The following COG6 variants were observed in gnomAD, a reference collection of about 807,000 sequenced individuals.
COG6 encodes conserved oligomeric Golgi complex subunit 6.
Under a neutral mutation model 88.8 loss-of-function variants are expected in COG6, and 74 were observed. The observed-to-expected ratio is 0.83, with a 90% CI of 0.69 to 1.01. COG6 has a LOEUF of 1.01. Among genes scored for constraint, COG6 ranks in the 50% least tolerant of loss-of-function variants. The probability of loss-of-function intolerance (pLI) is 0.00; values close to 1 mark genes in which losing one functional copy is unlikely to be tolerated. For synonymous variants in COG6, 286 were observed against 278.7 expected, an observed-to-expected ratio of 1.03 and a Z score of -0.26; for missense variants, 800 against 797.9, an observed-to-expected ratio of 1.00 and a Z score of -0.03.
intron 13 of COG6, among the ~76,000 whole-genome samples, chr13:39,707,747 GT>G (rs1334987621): frequency 1.3e-5 from 2 of 152,048 alleles, no homozygotes; most frequent in African/African-American, 4.8e-5. Flanking sequence ...TAATTGTTGT[GT>G]AGTAATTTCA....
At chr13:39,693,346 G>A (rs1175603764) in intron 11 of COG6, among the ~76,000 whole-genome samples, 1 of 151,376 alleles carries the variant, frequency 6.6e-6, no homozygotes, top group East Asian at 1.9e-4. Flanking sequence ...TCTTAAGGGA[G>A]TCAGAACTAA....
intron 4 of COG6, among the ~76,000 whole-genome samples, chr13:39,673,306 T>C (rs1176559633): frequency 1.3e-5 from 2 of 152,036 alleles, no homozygotes; most frequent in African/African-American, 4.8e-5. Context: ...TTATTTTATC[T>C]ATTTGTTTTA....
chr13:39,671,894 A>G (rs1198666884), intron 4 of COG6, among the ~76,000 whole-genome samples: 3 of 151,960 alleles, frequency 2.0e-5, no homozygotes, highest in Non-Finnish European at 1.5e-5. Context: ...TTATTCTTCT[A>G]GCACTTATTT....
intron 18 of COG6, among the ~76,000 whole-genome samples, chr13:39,747,855 C>G (rs762266105): frequency 6.6e-6 from 1 of 152,112 alleles, no homozygotes; most frequent in East Asian, 1.9e-4. Flanking sequence ...TTAAATTTCA[C>G]TACTTTAGAA....
intron 18 of COG6, among the ~76,000 whole-genome samples, chr13:39,777,017 T>C (rs1443415864): frequency 6.6e-6 from 1 of 152,176 alleles, no homozygotes; most frequent in Non-Finnish European, 1.5e-5. Flanking sequence ...AGGTGAGAAG[T>C]AACAATTGGT....
chr13:39,688,622 A>T (rs1033589170), intron 10 of COG6, among the ~76,000 whole-genome samples: 2 of 152,138 alleles, frequency 1.3e-5, no homozygotes, highest in African/African-American at 4.8e-5. Context: ...CACCTCCGAC[A>T]TTGGGGATTA....
intron 18 of COG6, among the ~76,000 whole-genome samples, chr13:39,741,899 A>AT (rs1880064047): frequency 6.6e-6 from 1 of 152,178 alleles, no homozygotes; most frequent in Admixed American, 6.5e-5. Context: ...GACTAACCGC[A>AT]TATCTGTCAG....
chr13:39,788,444 T>C (rs1021389294), exon 19 of COG6: 20 of 1,323,604 alleles, frequency 1.5e-5, no homozygotes, highest in Middle Eastern at 1.9e-4. Context: ...CCTTGGGGAC[T>C]GGCTATAGAA....
chr13:39,673,567 AG>A (rs1471350013), intron 4 of COG6, among the ~76,000 whole-genome samples: 1 of 152,044 alleles, frequency 6.6e-6, no homozygotes, highest in African/African-American at 2.4e-5. Flanking sequence ...AATGATAAGC[AG>A]ATTCTTTAAG....
intron 4 of COG6, among the ~76,000 whole-genome samples, chr13:39,674,561 A>G (rs1387254317): frequency 1.3e-5 from 2 of 152,166 alleles, no homozygotes; most frequent in South Asian, 2.1e-4. Context: ...AAATTGATGT[A>G]CATGTGTTTA....
At chr13:39,778,865 C>T (rs1037152334) in intron 18 of COG6, among the ~76,000 whole-genome samples, 1 of 152,206 alleles carries the variant, frequency 6.6e-6, no homozygotes, top group Non-Finnish European at 1.5e-5. Context: ...GTCTTCACCA[C>T]ATGATGCCTG....
intron 7 of COG6, among the ~76,000 whole-genome samples, chr13:39,680,268 A>T (rs1003014370): frequency 3.3e-5 from 5 of 152,208 alleles, no homozygotes; most frequent in African/African-American, 1.2e-4. Flanking sequence ...TTCACATTTG[A>T]GCACACTGTT....
intron 18 of COG6, among the ~76,000 whole-genome samples, chr13:39,748,268 A>G (rs558986813): frequency 1.3e-5 from 2 of 152,268 alleles, no homozygotes; most frequent in Non-Finnish European, 2.9e-5. Context: ...ATTTTGTTAC[A>G]TTCATTGTCA....
chr13:39,746,696 T>A (rs1880369523), intron 18 of COG6, among the ~76,000 whole-genome samples: 1 of 152,188 alleles, frequency 6.6e-6, no homozygotes, highest in Non-Finnish European at 1.5e-5. Flanking sequence ...GCAGACAATA[T>A]AGACAGATAG....
intron 13 of COG6, among the ~76,000 whole-genome samples, chr13:39,717,008 G>T (rs7332791): frequency 0.41 from 62,159 of 151,908 alleles, 13,072 homozygotes; most frequent in Admixed American, 0.56. Flanking sequence ...AGTATGTCTT[G>T]TAGGGCAGGT....
chr13:39,761,711 C>G (rs958216260), intron 18 of COG6, among the ~76,000 whole-genome samples: 1 of 149,714 alleles, frequency 6.7e-6, no homozygotes, highest in African/African-American at 2.5e-5. Flanking sequence ...TAAAAATGGG[C>G]GAAAGAGCCA....
chr13:39,755,556 T>A (rs1487028178), downstream of COG6, among the ~76,000 whole-genome samples: 3 of 152,170 alleles, frequency 2.0e-5, no homozygotes, highest in Non-Finnish European at 4.4e-5. Context: ...GGGAATGAGA[T>A]GTTCATAAGG....
At chr13:39,743,775 C>A (rs751387151) in intron 18 of COG6, among the ~76,000 whole-genome samples, 2 of 152,242 alleles carry the variant, frequency 1.3e-5, no homozygotes, top group East Asian at 3.9e-4. Flanking sequence ...CATCCTGATA[C>A]CAAAGCCTGG....
intron 13 of COG6, 125 bp from the exon 14 acceptor site, chr13:39,719,111 T>G: frequency 2.3e-6 from 2 of 870,170 alleles, no homozygotes; most frequent in East Asian, 5.5e-5. Context: ...TGATAAATTA[T>G]AGGTTTCTAA....
Sources: gnomAD v4.1 joint callset for allele counts (sites outside exome capture counted in the v4.1 genomes callset) on GRCh38, gnomAD v4.1.1 for gene constraint, MANE v1.5 for transcripts, NCBI Gene and HGNC (gene_info 2026-07-23, HGNC 2026-07-21) for gene names.